KIAA1549L: variants seen among roughly 807,000 people sequenced by gnomAD.
The protein encoded by KIAA1549L is KIAA1549 like.
A neutral mutation model predicts 160.7 loss-of-function variants in KIAA1549L; 88 were observed. The observed-to-expected ratio is 0.55, with a 90% CI of 0.46 to 0.65. KIAA1549L has a LOEUF of 0.65. Ranked by LOEUF, KIAA1549L falls within the 30% of genes least tolerant of loss-of-function variation. The probability of loss-of-function intolerance (pLI) is 0.00; values close to 1 mark genes in which losing one functional copy is unlikely to be tolerated. For synonymous variants in KIAA1549L, 950 were observed against 976.7 expected (o/e 0.97, Z 0.51); for missense variants, 2,258 against 2,437.5 (o/e 0.93, Z 1.55).
At chr11:33,660,778 G>A in intron 19 of KIAA1549L, 85 bp from the exon 20 acceptor site, 1 of 1,384,266 alleles carries the variant, frequency 7.2e-7, no homozygotes, top group South Asian at 1.3e-5. Flanking sequence ...GGGAGCCAAT[G>A]AAACTGACTT....
chr11:33,432,036 G>A (rs998703382), intron 1 of KIAA1549L, among the ~76,000 whole-genome samples: 4 of 152,210 alleles, frequency 2.6e-5, no homozygotes, highest in South Asian at 2.1e-4. Flanking sequence ...CGGCTGCTCC[G>A]AGTGCGGGGC....
At chr11:33,599,159 C>T in intron 13 of KIAA1549L, 1 of 426,178 alleles carries the variant, frequency 2.3e-6, no homozygotes, top group Non-Finnish European at 4.2e-6. Context: ...CTCACTTCCT[C>T]CGCCCCTGTT....
In KIAA1549L at chr11:33,435,790, AT is replaced by A. The variant is rs1273175683; in HGVS notation, c.238+58902del. ...TATATATATATATATATATATATAT[AT>A]ATATATATATATATATATATGTGTG... On this transcript the variant is annotated intron_variant, in intron 1 of 20. Coordinates refer to ENST00000658780, the MANE Select transcript of KIAA1549L (RefSeq NM_012194.3). Among the ~76,000 whole-genome samples, 43 of 26,098 alleles carry A rather than the reference AT, an allele frequency of 1.6e-3. 1 individual carries two copies. The highest frequency in any genetic ancestry group is 5.5e-3 in the African/African-American group (43 of 7,816). 17.1% of individuals were successfully genotyped at this position (26,098 alleles called of 152,430 possible).
chr11:33,382,405 A>T (rs1850089714), intron 1 of KIAA1549L, among the ~76,000 whole-genome samples: 1 of 152,088 alleles, frequency 6.6e-6, no homozygotes, highest in African/African-American at 2.4e-5. Context: ...TCTGAGAGTG[A>T]TGGGGATAAA....
intron 9 of KIAA1549L, among the ~76,000 whole-genome samples, chr11:33,568,445 C>T (rs1057387236): frequency 6.6e-6 from 1 of 152,102 alleles, no homozygotes; most frequent in Non-Finnish European, 1.5e-5. Context: ...CCGACATTGT[C>T]ACTAACTAGG....
intron 1 of KIAA1549L, among the ~76,000 whole-genome samples, chr11:33,441,724 A>T (rs903557459): frequency 6.6e-6 from 1 of 152,142 alleles, no homozygotes; most frequent in African/African-American, 2.4e-5. Context: ...TCGTCTTTTG[A>T]GAAGTGTCTG....
At chr11:33,443,611 A>AT (rs1447432734) in intron 1 of KIAA1549L, among the ~76,000 whole-genome samples, 2 of 152,160 alleles carry the variant, frequency 1.3e-5, no homozygotes, top group South Asian at 4.1e-4. Context: ...GGTGCCCCAA[A>AT]TAGATTTTAA....
rs559164243 is a variant in KIAA1549L, at chr11:33,595,253, G to C, written c.4752-3567G>C. Among the ~76,000 whole-genome samples, 561 of 152,278 alleles carry C rather than the reference G, an allele frequency of 3.7e-3. 6 individuals carry two copies. Among genetic ancestry groups the C allele is most frequent in the African/African-American group, 0.013 (539 of 41,562 alleles). ...ATAATTTTTTCTTTTTCGAGACAGA[G>C]TCTCATTCTGTTGCCCAGGCTGTAG... On this transcript the variant is annotated intron_variant, in intron 12 of 20. Coordinates refer to ENST00000658780, the MANE Select transcript of KIAA1549L (RefSeq NM_012194.3).
chr11:33,604,018 C>T (rs1173453577), intron 13 of KIAA1549L, among the ~76,000 whole-genome samples: 2 of 151,976 alleles, frequency 1.3e-5, no homozygotes, highest in African/African-American at 4.8e-5. Context: ...GTTTATCCAT[C>T]CTGGTTACTG....
chr11:33,645,466 C>T (rs1477376837), intron 16 of KIAA1549L, among the ~76,000 whole-genome samples: 3 of 152,208 alleles, frequency 2.0e-5, no homozygotes, highest in Non-Finnish European at 4.4e-5. Flanking sequence ...AATCTATGGG[C>T]AACTGAAGTG....
At chr11:33,581,344 A>G (rs573786895) in intron 10 of KIAA1549L, among the ~76,000 whole-genome samples, 63 of 151,908 alleles carry the variant, frequency 4.1e-4, no homozygotes, top group Non-Finnish European at 6.2e-4. Flanking sequence ...CGTGAGAATA[A>G]TTTATTTTGT....
intron 16 of KIAA1549L, among the ~76,000 whole-genome samples, chr11:33,625,976 A>G (rs1236990407): frequency 1.3e-5 from 2 of 149,584 alleles, no homozygotes; most frequent in Non-Finnish European, 3.0e-5. Context: ...CTTTCTACAT[A>G]TGGCTAGCCA....
chr11:33,461,645 T>A (rs909006035), intron 1 of KIAA1549L, among the ~76,000 whole-genome samples: 5 of 152,218 alleles, frequency 3.3e-5, no homozygotes, highest in African/African-American at 1.2e-4. Context: ...ATTGCTAAAT[T>A]AATCATCTGG....
rs186628573 is a variant in KIAA1549L, at chr11:33,593,000, C to A, written c.4751+1579C>A. Among the ~76,000 whole-genome samples the A allele has an allele frequency of 1.5e-4, 23 of 152,310 alleles. 1 individual carries two copies. The East Asian group carries it at 4.4e-3, about 29-fold the overall frequency. ...AGGGAGGAAGTGGTGGCAGATGAGT[C>A]TGGCAAGTTGCTGGAGGTTGATTAT... On this transcript the variant is annotated intron_variant, in intron 12 of 20. Coordinates refer to ENST00000658780, the MANE Select transcript of KIAA1549L (RefSeq NM_012194.3).
intron 1 of KIAA1549L, among the ~76,000 whole-genome samples, chr11:33,528,872 A>G (rs1245971485): frequency 1.3e-5 from 2 of 152,260 alleles, no homozygotes; most frequent in African/African-American, 2.4e-5. Context: ...CGTTGGGTAC[A>G]GTGTATACTG....
chr11:33,435,719 A>G (rs1285809986), intron 1 of KIAA1549L, among the ~76,000 whole-genome samples: 1 of 138,980 alleles, frequency 7.2e-6, no homozygotes, highest in East Asian at 2.1e-4. Context: ...GAAGTAGTAT[A>G]TTTAGTAGTC....
At chr11:33,513,653 C>T (rs539262194) in intron 1 of KIAA1549L, among the ~76,000 whole-genome samples, 2 of 152,296 alleles carry the variant, frequency 1.3e-5, no homozygotes, top group African/African-American at 4.8e-5. Flanking sequence ...AGCCCAGTGT[C>T]CCCTACACAA....
chr11:33,459,097 G>T (rs1357264011), intron 1 of KIAA1549L, among the ~76,000 whole-genome samples: 4 of 152,190 alleles, frequency 2.6e-5, no homozygotes, highest in Non-Finnish European at 5.9e-5. Context: ...TTGATGGATT[G>T]TATTTATAAA....
At chr11:33,628,817 A>ATGTTATGTG in intron 16 of KIAA1549L, among the ~76,000 whole-genome samples, 1 of 149,574 alleles carries the variant, frequency 6.7e-6, no homozygotes, top group Non-Finnish European at 1.5e-5. Flanking sequence ...TGTGAATTTG[A>ATGTTATGTG]TCCTGTCATT....
Sources: gnomAD v4.1 joint callset for allele counts (sites outside exome capture counted in the v4.1 genomes callset) on GRCh38, gnomAD v4.1.1 for gene constraint, MANE v1.5 for transcripts, NCBI Gene and HGNC (gene_info 2026-07-23, HGNC 2026-07-21) for gene names.